LOC128125817: variants seen among roughly 807,000 people sequenced by gnomAD.
chr1:41,617,274 T>A, the LOC128125817 span, among the ~76,000 whole-genome samples: 2 of 152,218 alleles, frequency 1.3e-5, no homozygotes, highest in Non-Finnish European at 2.9e-5. Context: ...AGGCCGGATT[T>A]CCAGAAGTGG....
chr1:41,589,525 T>C, the LOC128125817 span, among the ~76,000 whole-genome samples: 1 of 152,156 alleles, frequency 6.6e-6, no homozygotes, highest in Non-Finnish European at 1.5e-5. Flanking sequence ...GCACCTTCTG[T>C]ATCGAAGGCG....
chr1:41,603,814 T>A, the LOC128125817 span, among the ~76,000 whole-genome samples: 133 of 152,348 alleles, frequency 8.7e-4, no homozygotes, highest in African/African-American at 3.1e-3. Context: ...TTTGGTGGAA[T>A]TTTTTGGCAT....
chr1:41,589,007 T>G, the LOC128125817 span, among the ~76,000 whole-genome samples: 2 of 152,202 alleles, frequency 1.3e-5, no homozygotes, highest in Non-Finnish European at 2.9e-5. Context: ...TGGTGCGGCA[T>G]AAACCGAAGG....
chr1:41,617,930 G>T, the LOC128125817 span, among the ~76,000 whole-genome samples: 1 of 152,202 alleles, frequency 6.6e-6, no homozygotes, highest in Non-Finnish European at 1.5e-5. Context: ...GGCAATGACC[G>T]CACCAGGCTC....
At chr1:41,602,305 T>A in the LOC128125817 span, among the ~76,000 whole-genome samples, 2 of 152,184 alleles carry the variant, frequency 1.3e-5, no homozygotes, top group African/African-American at 4.8e-5. Flanking sequence ...TTTTGGAAGA[T>A]TTTCAGAAGG....
chr1:41,586,601 G>A, the LOC128125817 span, among the ~76,000 whole-genome samples: 1 of 152,142 alleles, frequency 6.6e-6, no homozygotes, highest in African/African-American at 2.4e-5. Flanking sequence ...CACACTCTTC[G>A]TTTCACTAGG....
At chr1:41,594,016 CCT>C in the LOC128125817 span, among the ~76,000 whole-genome samples, 2 of 152,140 alleles carry the variant, frequency 1.3e-5, no homozygotes, top group African/African-American at 4.8e-5. Context: ...AATATTGACT[CCT>C]CTCTCCCTCT....
chr1:41,585,457 A>G, the LOC128125817 span: 1 of 397,088 alleles, frequency 2.5e-6, no homozygotes, highest in Non-Finnish European at 4.4e-6. Flanking sequence ...AACCAGGGAA[A>G]CTCAAGCAGA....
chr1:41,602,562 C>T, the LOC128125817 span, among the ~76,000 whole-genome samples: 1 of 151,986 alleles, frequency 6.6e-6, no homozygotes, highest in Admixed American at 6.6e-5. Context: ...CTTTTTATTT[C>T]TGTGGCATCA....
At chr1:41,621,281 A>G in the LOC128125817 span, among the ~76,000 whole-genome samples, 1 of 152,262 alleles carries the variant, frequency 6.6e-6, no homozygotes, top group African/African-American at 2.4e-5. Context: ...TGCATTTTAA[A>G]GAAACTCAAG....
the LOC128125817 span, among the ~76,000 whole-genome samples, chr1:41,606,447 T>A: frequency 2.0e-5 from 3 of 151,942 alleles, 1 homozygote; most frequent in African/African-American, 7.3e-5. Context: ...TATAGGATAA[T>A]TCTAAAAAGT....
the LOC128125817 span, among the ~76,000 whole-genome samples, chr1:41,603,065 ATTTTTAT>A: frequency 6.6e-6 from 1 of 151,152 alleles, no homozygotes; most frequent in South Asian, 2.1e-4. Flanking sequence ...TTATTTATTT[ATTTTTAT>A]TTTTTATTTT....
chr1:41,596,461 A>T, the LOC128125817 span, among the ~76,000 whole-genome samples: 2 of 152,158 alleles, frequency 1.3e-5, no homozygotes, highest in Non-Finnish European at 2.9e-5. Flanking sequence ...GAAGCCTGGG[A>T]TGTCTGCCTT....
chr1:41,603,566 G>C, the LOC128125817 span, among the ~76,000 whole-genome samples: 3 of 151,882 alleles, frequency 2.0e-5, no homozygotes, highest in Non-Finnish European at 4.4e-5. Flanking sequence ...CACCATGTTG[G>C]CCAAGCTGGT....
the LOC128125817 span, among the ~76,000 whole-genome samples, chr1:41,622,773 C>A: frequency 2.6e-5 from 4 of 152,280 alleles, no homozygotes; most frequent in African/African-American, 7.2e-5. Flanking sequence ...CTGGAGCAGG[C>A]AAGCCAGGGG....
At chr1:41,619,533 A>G in the LOC128125817 span, among the ~76,000 whole-genome samples, 11 of 152,204 alleles carry the variant, frequency 7.2e-5, no homozygotes, top group African/African-American at 2.7e-4. Context: ...GTGCTTTGTC[A>G]CCCAGAATGG....
At chr1:41,592,621 C>G in the LOC128125817 span, among the ~76,000 whole-genome samples, 1 of 152,166 alleles carries the variant, frequency 6.6e-6, no homozygotes, top group Non-Finnish European at 1.5e-5. Flanking sequence ...CAAGGTCAGG[C>G]CCACCTACTG....
the LOC128125817 span, among the ~76,000 whole-genome samples, chr1:41,592,229 C>A: frequency 5.3e-5 from 8 of 152,152 alleles, no homozygotes; most frequent in Non-Finnish European, 1.2e-4. Context: ...GCCATGGGTC[C>A]GGTAACCTGT....
At chr1:41,627,798 C>T in the LOC128125817 span, among the ~76,000 whole-genome samples, 1 of 152,164 alleles carries the variant, frequency 6.6e-6, no homozygotes, top group South Asian at 2.1e-4. Context: ...GCATCAGAAT[C>T]AATGTAGATT....
Sources: allele counts gnomAD v4.1 joint callset (sites outside exome capture counted in the v4.1 genomes callset), GRCh38; gene constraint gnomAD v4.1.1; transcripts MANE v1.5.